CYB5B: variants seen among roughly 807,000 people sequenced by gnomAD.
The protein encoded by CYB5B is cytochrome b5 type B (outer mitochondrial membrane).
Under a neutral mutation model 21.3 loss-of-function variants are expected in CYB5B, and 14 were observed. The observed-to-expected ratio is 0.66, with a 90% CI of 0.43 to 1.03. The LOEUF (loss-of-function observed/expected upper bound fraction) is 1.03. Ranked by LOEUF, CYB5B falls within the 50% of genes least tolerant of loss-of-function variation. CYB5B has a pLI of 0.00. For synonymous variants in CYB5B, 69 were observed against 68.4 expected, an observed-to-expected ratio of 1.01 and a Z score of -0.04; for missense variants, 166 against 185.1, an observed-to-expected ratio of 0.90 and a Z score of 0.60.
intron 1 of CYB5B, among the ~76,000 whole-genome samples, chr16:69,441,655 T>G (rs887201773): frequency 6.6e-6 from 1 of 152,226 alleles, no homozygotes; most frequent in Non-Finnish European, 1.5e-5. Context: ...CTGCCAGCAG[T>G]TGATCTCTCT....
chr16:69,434,834 A>T (rs756342902), intron 1 of CYB5B, among the ~76,000 whole-genome samples: 47 of 143,690 alleles, frequency 3.3e-4, no homozygotes, highest in East Asian at 8.2e-4. Context: ...CTGCACTCCA[A>T]CCTGGGTGAC....
Position 69,440,967 on chromosome 16 carries a change from A to AT in CYB5B, c.175-6177dup, listed in dbSNP as rs200395944. Among the ~76,000 whole-genome samples the AT allele has an allele frequency of 9.9e-3, 1,494 of 151,472 alleles. 10 individuals carry two copies. Among genetic ancestry groups the AT allele is most frequent in the Non-Finnish European group, 0.014 (968 of 67,862 alleles). On this transcript the variant is annotated intron_variant, in intron 1 of 4. Coordinates refer to ENST00000307892, the MANE Select transcript of CYB5B (RefSeq NM_030579.3). Reference sequence around the variant, plus strand: ...CGCCGCCGTGCCTGGCCTTCATTTGATTTTTTAATGGAAATTTTTATTGAG... The same window carrying AT: ...CGCCGCCGTGCCTGGCCTTCATTTGATTTTTTTAATGGAAATTTTTATTGAG...
intron 1 of CYB5B, among the ~76,000 whole-genome samples, chr16:69,428,676 T>G (rs1597278654): frequency 6.6e-6 from 1 of 150,764 alleles, no homozygotes; most frequent in African/African-American, 2.4e-5. Context: ...AAAAGAAAAA[T>G]AATACAGGGA....
rs746367227 is a variant in CYB5B at position 69,424,841 on chromosome 16, C to G, written c.158C>G (p.Thr53Ser). 6.3e-7 allele frequency: 1 copy of G among 1,583,700 alleles called. No homozygotes were observed. The highest frequency in any genetic ancestry group is 8.6e-7 in the Non-Finnish European group (1 of 1,164,940). The change falls in exon 1 of 5, where the codon ACC becomes AGC. Residue 53 changes from threonine (T) to serine (S), a missense_variant. Thr to Ser is a moderately conservative substitution (Grantham distance 58). Transcript: ENST00000307892. ...ATCCATGGGCGAGTCTACGATGTCACCCGCTTCCTCAACGAGGTGGGGCCT... is the reference window on the plus strand; with the variant it reads ...ATCCATGGGCGAGTCTACGATGTCAGCCGCTTCCTCAACGAGGTGGGGCCT... ...LVIHGRVYDV[T>S]RFLNEHPGGE...
chr16:69,424,787 G>A lies in CYB5B; in HGVS notation c.104G>A (p.Arg35His). The A allele has an allele frequency of 1.2e-6, 2 of 1,609,282 alleles. No homozygotes were observed. The highest frequency in any genetic ancestry group is 1.7e-6 in the Non-Finnish European group (2 of 1,177,758). ...TYYRLEEVAK[R>H]NSLKELWLVI... ...TACCGGTTGGAGGAGGTGGCAAAGC[G>A]CAACTCCTTGAAGGAACTGTGGCTT... Residue 35 changes from arginine to histidine, a missense_variant, in exon 1 of 5, where the codon CGC (arginine) becomes CAC (histidine). Physicochemically the swap from Arg to His is conservative, Grantham distance 29 (BLOSUM62 0). Coordinates refer to ENST00000307892, the MANE Select transcript of CYB5B (RefSeq NM_030579.3).
intron 1 of CYB5B, among the ~76,000 whole-genome samples, chr16:69,441,841 C>G (rs2014826569): frequency 6.6e-6 from 1 of 152,112 alleles, no homozygotes; most frequent in South Asian, 2.1e-4. Flanking sequence ...TGAAAGTTCC[C>G]TAGATGGGAA....
intron 2 of CYB5B, among the ~76,000 whole-genome samples, chr16:69,447,693 A>T (rs1380203889): frequency 2.0e-5 from 3 of 152,092 alleles, no homozygotes; most frequent in Non-Finnish European, 4.4e-5. Context: ...TCTAGCCATC[A>T]GGCTAAATTT....
chr16:69,435,249 A>G (rs552506090), intron 1 of CYB5B, among the ~76,000 whole-genome samples: 2 of 152,374 alleles, frequency 1.3e-5, no homozygotes, highest in Admixed American at 6.5e-5. Flanking sequence ...AATAATGCAT[A>G]TATAGACTTA....
In CYB5B at chr16:69,462,617, A is replaced by C. The variant is rs754990243; in HGVS notation, c.*97A>C. The C allele has an allele frequency of 2.5e-5, 24 of 977,380 alleles. No individual in the cohort carries two copies. The highest frequency in any genetic ancestry group is 5.7e-5 in the Admixed American group (3 of 53,020). The allele number at this position is 977,380 out of a possible 1,614,324, so 60.5% of individuals were successfully genotyped here. ...AAGTGCCCTCTCCTCGAATCCTGCC[A>C]GTTGCATTCTTCCCCCTTGGAGCCA... On this transcript the variant is annotated 3_prime_UTR_variant, in exon 5 of 5. Coordinates refer to ENST00000307892, the MANE Select transcript of CYB5B (RefSeq NM_030579.3).
intron 3 of CYB5B, among the ~76,000 whole-genome samples, chr16:69,452,079 T>C (rs926038792): frequency 9.9e-5 from 15 of 151,564 alleles, no homozygotes; most frequent in African/African-American, 3.1e-4. Context: ...TAAGGATGGA[T>C]GGATGGATAG....
At position 69,424,805 on chromosome 16, in the gene CYB5B, T is replaced by C. The variant is rs1390481795; in HGVS notation, c.122T>C (p.Leu41Pro). 12 of 1,607,588 alleles carry C rather than the reference T, an allele frequency of 7.5e-6. No homozygotes were observed. The highest frequency in any genetic ancestry group is 1.0e-5 in the Non-Finnish European group (12 of 1,176,746). The change falls in exon 1 of 5, where the codon CTG becomes CCG. Residue 41 changes from leucine (L) to proline (P), a missense_variant. Leu to Pro is a moderately conservative substitution (Grantham distance 98). Transcript: ENST00000307892. ...GCAAAGCGCAACTCCTTGAAGGAAC[T>C]GTGGCTTGTGATCCATGGGCGAGTC... is the stretch of plus-strand genomic sequence containing the variant. ...EVAKRNSLKE[L>P]WLVIHGRVYD...
intron 1 of CYB5B, among the ~76,000 whole-genome samples, chr16:69,445,581 T>C (rs1483829760): frequency 6.6e-6 from 1 of 152,228 alleles, no homozygotes; most frequent in Non-Finnish European, 1.5e-5. Flanking sequence ...TTTAAGTAAA[T>C]GTTTTTTGAG....
At chr16:69,454,945 G>A (rs531507384) in intron 3 of CYB5B, among the ~76,000 whole-genome samples, 52 of 152,256 alleles carry the variant, frequency 3.4e-4, no homozygotes, top group Admixed American at 9.2e-4. Context: ...CCAGGCTGGA[G>A]TGCAGTGGCA....
chr16:69,440,771 AATAC>A (rs976618923), intron 1 of CYB5B, among the ~76,000 whole-genome samples: 8 of 35,566 alleles, frequency 2.2e-4, no homozygotes, highest in African/African-American at 7.7e-4. Flanking sequence ...TGTGTGTGTA[AATAC>A]ATATATCTAT....
chr16:69,433,839 A>G (rs1342275897), intron 1 of CYB5B, among the ~76,000 whole-genome samples: 1 of 152,200 alleles, frequency 6.6e-6, no homozygotes, highest in Non-Finnish European at 1.5e-5. Context: ...CACAAACATC[A>G]TAGAGTATAT....
chr16:69,431,480 A>G (rs1438386210), intron 1 of CYB5B, among the ~76,000 whole-genome samples: 1 of 152,108 alleles, frequency 6.6e-6, no homozygotes, highest in Non-Finnish European at 1.5e-5. Flanking sequence ...CTGTCTTAAA[A>G]ACAAAACAAA....
At chr16:69,460,215 C>T (rs949525932) in intron 4 of CYB5B, among the ~76,000 whole-genome samples, 6 of 151,062 alleles carry the variant, frequency 4.0e-5, no homozygotes, top group Admixed American at 6.6e-5. Context: ...GCCTGGGCAA[C>T]GAGAACGAAA....
chr16:69,447,971 G>T, intron 2 of CYB5B, 144 bp from the exon 3 acceptor site: 1 of 778,004 alleles, frequency 1.3e-6, no homozygotes, highest in East Asian at 2.6e-5. Context: ...CAGAGTAGAG[G>T]TATCTTTCTA....
chr16:69,441,225 C>T (rs1375146488), intron 1 of CYB5B, among the ~76,000 whole-genome samples: 1 of 149,730 alleles, frequency 6.7e-6, no homozygotes, highest in African/African-American at 2.5e-5. Flanking sequence ...ACAATCTCAG[C>T]TCACTGCAAC....
Sources: allele counts gnomAD v4.1 joint callset (sites outside exome capture counted in the v4.1 genomes callset), GRCh38; gene constraint gnomAD v4.1.1; transcripts MANE v1.5; gene names NCBI Gene and HGNC (gene_info 2026-07-23, HGNC 2026-07-21).